LRP1B: variants seen among roughly 807,000 people sequenced by gnomAD.
The protein encoded by LRP1B is LDL receptor related protein 1B.
Under a neutral mutation model 556.6 loss-of-function variants are expected in LRP1B, and 217 were observed. The observed-to-expected ratio is 0.39, with a 90% CI of 0.35 to 0.44. The LOEUF (loss-of-function observed/expected upper bound fraction) is 0.44, where lower values mean the gene tolerates loss of function less well. Among genes scored for constraint, LRP1B ranks in the 20% least tolerant of loss-of-function variants. The pLI is 1.00. For missense variants in LRP1B, 5,053 were observed against 5,620.8 expected, an observed-to-expected ratio of 0.90 and a Z score of 3.23; for synonymous variants, 2,047 against 1,865.8, an observed-to-expected ratio of 1.10 and a Z score of -2.50.
rs1688460859 is a variant in LRP1B, at chr2:140,748,806, TATAC to T, written c.5758+20403_5758+20406del. On this transcript the variant is annotated intron_variant, in intron 35 of 90. Coordinates refer to ENST00000389484, the MANE Select transcript of LRP1B (RefSeq NM_018557.3). The stretch of plus-strand genomic sequence containing the variant: ...TATAATATATATTATATACATATTA[TATAC>T]ATGTATATAATATATATCATATATT... Among the ~76,000 whole-genome samples the T allele has an allele frequency of 2.7e-5, 3 of 109,608 alleles. 1 individual carries two copies. Among genetic ancestry groups the T allele is most frequent in the Non-Finnish European group, 5.6e-5 (3 of 53,682 alleles). The allele number at this position is 109,608 out of a possible 152,430, so 71.9% of individuals were successfully genotyped here. A position where few individuals can be genotyped will look rare whatever the true frequency, so the allele number is the denominator to read the frequency against.
chr2:140,775,956 A>G lies in LRP1B; in HGVS notation c.5500+142T>C, dbSNP rs1294520112. 2.0e-5 allele frequency: 13 copies of G among 639,912 alleles called. No individual in the cohort carries two copies. In the East Asian group the frequency reaches 4.3e-4, roughly 21 times the overall value. The allele number at this position is 639,912 out of a possible 1,614,324, so 39.6% of individuals were successfully genotyped here. A position where few individuals can be genotyped will look rare whatever the true frequency, so the allele number is the denominator to read the frequency against. Reference sequence around the variant, plus strand: ...TCTATATTAAAGACATTTCTCCTACAGTAGTAAGCAACATTTTCCTTTTTT... The same window carrying G: ...TCTATATTAAAGACATTTCTCCTACGGTAGTAAGCAACATTTTCCTTTTTT... On this transcript the variant is annotated intron_variant, in intron 33 of 90. Transcript: ENST00000389484.
At chr2:141,376,187 G>A (rs1689427932) in intron 3 of LRP1B, among the ~76,000 whole-genome samples, 1 of 152,190 alleles carries the variant, frequency 6.6e-6, no homozygotes, top group Non-Finnish European at 1.5e-5. Flanking sequence ...TCAAATGACT[G>A]TGGGATTCCA....
intron 7 of LRP1B, among the ~76,000 whole-genome samples, chr2:141,126,723 C>T (rs971590803): frequency 6.6e-6 from 1 of 152,094 alleles, no homozygotes; most frequent in African/African-American, 2.4e-5. Flanking sequence ...TCTGTCATTA[C>T]CAAAATATGT....
intron 71 of LRP1B, 90 bp downstream of exon 71, chr2:140,370,620 C>A (rs192974220): frequency 1.4e-6 from 2 of 1,468,086 alleles, no homozygotes; most frequent in East Asian, 2.3e-5. Flanking sequence ...AAGATTCTAT[C>A]CTCTGCCTCT....
In LRP1B at chr2:140,348,102, A is replaced by ATATT. The variant is rs571155436; in HGVS notation, c.11892+2691_11892+2694dup. Reference sequence around the variant, plus strand: ...TTTGGAAATCAAATATATTTAAAATATATTATCTCAAAGGGGCTGTAGAAA... The same window carrying ATATT: ...TTTGGAAATCAAATATATTTAAAATATATTTATTATCTCAAAGGGGCTGTAGAAA... On this transcript the variant is annotated intron_variant, in intron 77 of 90. Coordinates refer to ENST00000389484, the MANE Select transcript of LRP1B (RefSeq NM_018557.3). 7.2e-5 allele frequency among the ~76,000 whole-genome samples: 11 copies of ATATT among 152,156 alleles called. 1 individual carries two copies. In the South Asian group the frequency reaches 8.3e-4, roughly 11 times the overall value.
chr2:141,744,495 G>C (rs1310093168), intron 2 of LRP1B, among the ~76,000 whole-genome samples: 2 of 152,028 alleles, frequency 1.3e-5, no homozygotes, highest in African/African-American at 4.8e-5. Context: ...ATATCTATTA[G>C]GTCCATTTGG....
chr2:141,900,806 A>T (rs1699596115), intron 1 of LRP1B, among the ~76,000 whole-genome samples: 1 of 152,062 alleles, frequency 6.6e-6, no homozygotes, highest in African/African-American at 2.4e-5. Context: ...TTTTCAAATA[A>T]TTCCTTTGTC....
At chr2:141,300,114 G>A (rs1440577358) in intron 3 of LRP1B, among the ~76,000 whole-genome samples, 9 of 152,132 alleles carry the variant, frequency 5.9e-5, no homozygotes, top group Non-Finnish European at 1.5e-5. Flanking sequence ...AGTCCAGAAG[G>A]GGCCCCACAC....
At chr2:140,319,619 T>G (rs920744691) in intron 82 of LRP1B, among the ~76,000 whole-genome samples, 2 of 152,110 alleles carry the variant, frequency 1.3e-5, no homozygotes, top group Non-Finnish European at 2.9e-5. Flanking sequence ...TGCGGCCTTT[T>G]GGAGGGTGAA....
intron 1 of LRP1B, among the ~76,000 whole-genome samples, chr2:142,005,676 C>A (rs1367889091): frequency 6.6e-6 from 1 of 152,050 alleles, no homozygotes; most frequent in African/African-American, 2.4e-5. Flanking sequence ...ATGCTATATT[C>A]ATTTTCTTTA....
At chr2:141,512,887 C>T (rs1574031328) in intron 2 of LRP1B, among the ~76,000 whole-genome samples, 1 of 152,264 alleles carries the variant, frequency 6.6e-6, no homozygotes, top group South Asian at 2.1e-4. Flanking sequence ...CATACTGTGT[C>T]TTTCTAAGTA....
chr2:141,559,979 T>C (rs973909948), intron 2 of LRP1B, among the ~76,000 whole-genome samples: 8 of 151,762 alleles, frequency 5.3e-5, no homozygotes, highest in African/African-American at 1.9e-4. Context: ...GGATTTTCCA[T>C]GATCCAAAAC....
intron 84 of LRP1B, among the ~76,000 whole-genome samples, chr2:140,285,258 G>C (rs59880224): frequency 1.3e-5 from 2 of 149,684 alleles, no homozygotes; most frequent in East Asian, 4.0e-4. Context: ...TATATACATA[G>C]AGAAATTTCT....
rs775995715 is a variant in LRP1B at position 140,356,427 on chromosome 2, A to C, written c.11445T>G (p.Asp3815Glu). 3 of 1,608,706 alleles carry C rather than the reference A, an allele frequency of 1.9e-6. No individual in the cohort carries two copies. In the East Asian group the frequency reaches 6.7e-5, roughly 36 times the overall value. ...CEDNVNPCGD[D>E]AYCNQIKTSV... ...ATGTTTTTATTTGATTACAATATGC[A>C]TCATCTCCACATGGATTCACATTAT... is the stretch of plus-strand genomic sequence containing the variant. Residue 3815 changes from aspartate to glutamate, a missense_variant, in exon 75 of 91, where the codon GAT (aspartate) becomes GAG (glutamate). Around this residue, in one of 5 missense-constraint regions of LRP1B, gnomAD observed 599 missense variants for 648.4 expected, o/e 0.92. Transcript: ENST00000389484.
At chr2:141,488,187 T>A (rs2105105631) in intron 2 of LRP1B, among the ~76,000 whole-genome samples, 1 of 151,950 alleles carries the variant, frequency 6.6e-6, no homozygotes, top group African/African-American at 2.4e-5. Context: ...TATTTGTTTT[T>A]TTCCCACTCT....
At chr2:140,625,375 G>A (rs1324736962) in intron 41 of LRP1B, among the ~76,000 whole-genome samples, 1 of 152,162 alleles carries the variant, frequency 6.6e-6, no homozygotes, top group Non-Finnish European at 1.5e-5. Flanking sequence ...AGATGTAATT[G>A]ATAAGCTGGA....
At chr2:141,047,766 C>T (rs1451741584) in intron 11 of LRP1B, among the ~76,000 whole-genome samples, 8 of 152,030 alleles carry the variant, frequency 5.3e-5, no homozygotes, top group Admixed American at 4.6e-4. Context: ...CATTTAGGTC[C>T]CCCACACCCT....
intron 66 of LRP1B, among the ~76,000 whole-genome samples, chr2:140,416,200 G>A (rs4954834): frequency 0.12 from 17,833 of 152,160 alleles, 1,485 homozygotes; most frequent in African/African-American, 0.23. Context: ...GAACCCTATC[G>A]TGAAATGCAT....
intron 2 of LRP1B, among the ~76,000 whole-genome samples, chr2:141,761,393 A>G (rs1694541629): frequency 8.8e-6 from 1 of 113,322 alleles, no homozygotes; most frequent in African/African-American, 2.8e-5. Context: ...CTAGTTTATT[A>G]TGTAGAAGTA....
Sources: allele counts gnomAD v4.1 joint callset (sites outside exome capture counted in the v4.1 genomes callset), GRCh38; gene constraint gnomAD v4.1.1; regional missense constraint gnomAD v4.1.1; transcripts MANE v1.5; gene names NCBI Gene and HGNC (gene_info 2026-07-23, HGNC 2026-07-21).